Variants in SEMA5A observed in about 807,000 individuals in gnomAD.
SEMA5A encodes semaphorin-5A.
Under a neutral mutation model 135.5 loss-of-function variants are expected in SEMA5A, and 55 were observed. The ratio of observed to expected loss-of-function variants is 0.41; its 90% confidence interval spans 0.33 to 0.51. The LOEUF (loss-of-function observed/expected upper bound fraction) is 0.51. Among genes scored for constraint, SEMA5A ranks in the 20% least tolerant of loss-of-function variants. The pLI is 0.37. For missense variants in SEMA5A, 1,290 were observed against 1,419.9 expected (o/e 0.91, Z 1.47); for synonymous variants, 580 against 546.5 (o/e 1.06, Z -0.85).
chr5:9,520,585 T>A (rs1736774111), intron 1 of SEMA5A, among the ~76,000 whole-genome samples: 1 of 152,188 alleles, frequency 6.6e-6, no homozygotes, highest in Non-Finnish European at 1.5e-5. Context: ...GGGATTGGTC[T>A]GTTATTCCAT....
At chr5:9,152,207 G>A (rs535507507) in intron 12 of SEMA5A, among the ~76,000 whole-genome samples, 19 of 152,246 alleles carry the variant, frequency 1.2e-4, no homozygotes, top group Non-Finnish European at 1.9e-4. Context: ...ACAGGCCTGC[G>A]GCTTCCTGTG....
chr5:9,135,185 T>C (rs1157349734), intron 13 of SEMA5A, among the ~76,000 whole-genome samples: 1 of 149,604 alleles, frequency 6.7e-6, no homozygotes, highest in Non-Finnish European at 1.5e-5. Context: ...CTTTCTTTTT[T>C]TTTTTTTTTT....
chr5:9,538,581 A>G (rs1203471965), intron 1 of SEMA5A, among the ~76,000 whole-genome samples: 1 of 152,208 alleles, frequency 6.6e-6, no homozygotes, highest in Non-Finnish European at 1.5e-5. Context: ...CCATAAAACA[A>G]TAAAATTGGC....
At chr5:9,149,428 G>C (rs561022575) in intron 12 of SEMA5A, among the ~76,000 whole-genome samples, 1 of 152,328 alleles carries the variant, frequency 6.6e-6, no homozygotes, top group East Asian at 1.9e-4. Context: ...TGGATCACCT[G>C]AGATCAGGAG....
At position 9,083,936 on chromosome 5, in the gene SEMA5A, T is replaced by C. The variant is rs574353659; in HGVS notation, c.2074-17290A>G. ...CAGGTGCCATTGTCTTCCTTGATCA[T>C]GGCACTAGAATTGCAACACATACAG... is the stretch of plus-strand genomic sequence containing the variant. On this transcript the variant is annotated intron_variant, in intron 16 of 22. Transcript: ENST00000382496. Among the ~76,000 whole-genome samples, 7 of 152,338 alleles carry C rather than the reference T, an allele frequency of 4.6e-5. No individual in the cohort carries two copies. In the South Asian group the frequency reaches 1.0e-3, roughly 23 times the overall value.
chr5:9,278,043 GTTTAT>G (rs762902147), intron 5 of SEMA5A, among the ~76,000 whole-genome samples: 6 of 150,772 alleles, frequency 4.0e-5, no homozygotes, highest in Non-Finnish European at 7.4e-5. Context: ...TTGGAGATGT[GTTTAT>G]TTTACTTTAT....
intron 1 of SEMA5A, among the ~76,000 whole-genome samples, chr5:9,512,525 A>G (rs1293259516): frequency 6.6e-6 from 1 of 151,938 alleles, no homozygotes. Flanking sequence ...TTTCCTTTCT[A>G]TCTTTTTTTT....
At chr5:9,419,747 T>G (rs1757400996) in intron 2 of SEMA5A, among the ~76,000 whole-genome samples, 1 of 152,206 alleles carries the variant, frequency 6.6e-6, no homozygotes, top group South Asian at 2.1e-4. Flanking sequence ...CTGTTTATCA[T>G]CTGGGAGCAT....
chr5:9,216,416 A>G (rs1486794097), intron 8 of SEMA5A, among the ~76,000 whole-genome samples: 4 of 152,166 alleles, frequency 2.6e-5, no homozygotes, highest in Admixed American at 6.5e-5. Flanking sequence ...TATGTGGTCA[A>G]TTTTAAAGTA....
At chr5:9,259,425 T>C (rs1450868838) in intron 5 of SEMA5A, among the ~76,000 whole-genome samples, 2 of 151,854 alleles carry the variant, frequency 1.3e-5, no homozygotes, top group Non-Finnish European at 2.9e-5. Context: ...AGATAGTTTG[T>C]TATAATTTCT....
At chr5:9,510,220 C>T (rs1451349381) in intron 1 of SEMA5A, among the ~76,000 whole-genome samples, 1 of 152,084 alleles carries the variant, frequency 6.6e-6, no homozygotes, top group Non-Finnish European at 1.5e-5. Context: ...TGTTCATTTA[C>T]GACCTCATTC....
chr5:9,394,761 G>T (rs1257231838), intron 2 of SEMA5A, among the ~76,000 whole-genome samples: 1 of 152,094 alleles, frequency 6.6e-6, no homozygotes, highest in African/African-American at 2.4e-5. Context: ...ATGCATTTTT[G>T]TTTGAAAAGA....
At chr5:9,058,783 G>A (rs1489361533) in intron 18 of SEMA5A, among the ~76,000 whole-genome samples, 1 of 152,184 alleles carries the variant, frequency 6.6e-6, no homozygotes, top group African/African-American at 2.4e-5. Flanking sequence ...GGCAAATGTG[G>A]TATTGATTCT....
At chr5:9,214,257 C>T (rs877189) in intron 8 of SEMA5A, among the ~76,000 whole-genome samples, 4,483 of 152,186 alleles carry the variant, frequency 0.029, 239 homozygotes, top group African/African-American at 0.1. Flanking sequence ...CAGATCATAG[C>T]GGCCAGGCAA....
intron 12 of SEMA5A, among the ~76,000 whole-genome samples, chr5:9,138,365 A>T (rs949701039): frequency 2.0e-5 from 3 of 152,168 alleles, no homozygotes; most frequent in Admixed American, 1.3e-4. Flanking sequence ...ACATATATAT[A>T]TTTTGTTATT....
At chr5:9,045,630 C>G (rs1225279775) in intron 21 of SEMA5A, among the ~76,000 whole-genome samples, 1 of 152,138 alleles carries the variant, frequency 6.6e-6, no homozygotes, top group Admixed American at 6.6e-5. Context: ...TACCACTTTT[C>G]TCACTTATGT....
intron 21 of SEMA5A, among the ~76,000 whole-genome samples, chr5:9,047,834 T>TTGG (rs1424680040): frequency 1.3e-5 from 2 of 152,210 alleles, no homozygotes; most frequent in Admixed American, 1.3e-4. Flanking sequence ...CTTCCTCTGA[T>TTGG]TTAACCAATA....
chr5:9,349,053 C>T (rs1753999611), intron 3 of SEMA5A, among the ~76,000 whole-genome samples: 1 of 152,222 alleles, frequency 6.6e-6, no homozygotes, highest in African/African-American at 2.4e-5. Context: ...ATCTAAGCCA[C>T]TACTTCTTCA....
chr5:9,042,925 G>A lies in SEMA5A; in HGVS notation c.3197C>T (p.Thr1066Ile). ...GTACTCATCATAATTATTGAGATCTGTAAAGTAGGCATTAGAATAGGTCTT... is the reference window on the plus strand; with the variant it reads ...GTACTCATCATAATTATTGAGATCTATAAAGTAGGCATTAGAATAGGTCTT... ...TGKTYSNAYFTDLNNYDEY is the reference protein window; with the variant it reads ...TGKTYSNAYFIDLNNYDEY Residue 1066 changes from threonine (T) to isoleucine (I), a missense_variant, in exon 23 of 23, where the codon ACA becomes ATA. Around this residue, in one of 3 missense-constraint regions of SEMA5A, gnomAD observed 1,029 missense variants for 1,086.6 expected, o/e 0.95. Transcript: ENST00000382496. The A allele has an allele frequency of 1.2e-6, 2 of 1,613,896 alleles. No individual in the cohort carries two copies. Among genetic ancestry groups the A allele is most frequent in the Non-Finnish European group, 1.7e-6 (2 of 1,179,868 alleles).
Sources: allele counts gnomAD v4.1 joint callset (sites outside exome capture counted in the v4.1 genomes callset), GRCh38; gene constraint gnomAD v4.1.1; regional missense constraint gnomAD v4.1.1; transcripts MANE v1.5; gene names NCBI Gene and HGNC (gene_info 2026-07-23, HGNC 2026-07-21).